The following ITSN1 variants were observed in gnomAD, a reference collection of about 807,000 sequenced individuals.
ITSN1 encodes intersectin-1.
ITSN1 carries 58 observed loss-of-function variants against 239.8 expected under a neutral mutation model. That is an observed-to-expected ratio of 0.24 (90% CI 0.20 to 0.30). The LOEUF (loss-of-function observed/expected upper bound fraction) is 0.30, where lower values mean the gene tolerates loss of function less well. Among genes scored for constraint, ITSN1 ranks in the 10% least tolerant of loss-of-function variants. The pLI is 1.00. For synonymous variants in ITSN1, 780 were observed against 770.8 expected (o/e 1.01, Z -0.20); for missense variants, 1,558 against 2,103.3 (o/e 0.74, Z 5.07).
At chr21:33,788,661 C>T (rs772044721) in intron 16 of ITSN1, among the ~76,000 whole-genome samples, 3 of 152,056 alleles carry the variant, frequency 2.0e-5, no homozygotes, top group Non-Finnish European at 2.9e-5. Flanking sequence ...AACTTCATCA[C>T]GGCAGAGGAT....
chr21:33,681,826 A>G (rs1023664626), intron 1 of ITSN1, among the ~76,000 whole-genome samples: 1 of 151,350 alleles, frequency 6.6e-6, no homozygotes, highest in Non-Finnish European at 1.5e-5. Context: ...GCCCACCACT[A>G]TGCCCGGCTA....
Position 33,803,316 on chromosome 21 carries a change from T to G in ITSN1, c.2319+872T>G, listed in dbSNP as rs374191540. Among the ~76,000 whole-genome samples, 19 of 152,326 alleles carry G rather than the reference T, an allele frequency of 1.2e-4. 2 individuals are homozygous for G. In the East Asian group the frequency reaches 2.9e-3, roughly 23 times the overall value. On this transcript the variant is annotated intron_variant, in intron 20 of 39. Coordinates refer to ENST00000381318, the MANE Select transcript of ITSN1 (RefSeq NM_003024.3). ...TCCCTCTGCCCCAGAAATTCTATTTTTCTCCTTCCTCTCATTCTTCTCCTT... is the reference window on the plus strand; with the variant it reads ...TCCCTCTGCCCCAGAAATTCTATTTGTCTCCTTCCTCTCATTCTTCTCCTT...
intron 16 of ITSN1, among the ~76,000 whole-genome samples, chr21:33,790,372 T>C (rs377096254): frequency 3.5e-4 from 53 of 152,144 alleles, no homozygotes; most frequent in African/African-American, 1.3e-3. Flanking sequence ...CAGCTACAAT[T>C]TCTTGACTAC....
At chr21:33,763,537 C>T (rs1179466854) in intron 9 of ITSN1, among the ~76,000 whole-genome samples, 1 of 152,120 alleles carries the variant, frequency 6.6e-6, no homozygotes, top group East Asian at 1.9e-4. Flanking sequence ...CCCAGCATGA[C>T]AATCAGAAAT....
intron 17 of ITSN1, among the ~76,000 whole-genome samples, chr21:33,794,906 C>T (rs906173752): frequency 2.0e-5 from 3 of 152,132 alleles, no homozygotes; most frequent in Admixed American, 6.5e-5. Flanking sequence ...AACTTTAGTA[C>T]AAAAGGGGGA....
chr21:33,805,358 A>G (rs2072332333), intron 20 of ITSN1, among the ~76,000 whole-genome samples: 1 of 152,152 alleles, frequency 6.6e-6, no homozygotes, highest in Admixed American at 6.5e-5. Flanking sequence ...CCTGACAGAC[A>G]TTTTTTTAAA....
At position 33,895,421 on chromosome 21, in the gene ITSN1, T is replaced by G. The variant is rs8126882; in HGVS notation, c.*7121T>G. ...CAGTGCGTGGTGTGTGCATGCGTGT[T>G]TGTGCGTGCGTGTGCATGTATGTGT... On this transcript the variant is annotated 3_prime_UTR_variant, in exon 40 of 40. Transcript: ENST00000381318. 0.48 allele frequency: 46,621 copies of G among 97,542 alleles called. 7,561 individuals are homozygous for G. The highest frequency in any genetic ancestry group is 0.53 in the African/African-American group (17,305 of 32,400). The allele number at this position is 97,542 out of a possible 1,614,324, so 6.0% of individuals were successfully genotyped here. A position where few individuals can be genotyped will look rare whatever the true frequency, so the allele number is the denominator to read the frequency against.
chr21:33,875,112 T>G (rs1222087204), intron 33 of ITSN1, among the ~76,000 whole-genome samples: 1 of 152,176 alleles, frequency 6.6e-6, no homozygotes. Flanking sequence ...GGGGCTGGAC[T>G]GAGACCTCAA....
At position 33,797,275 on chromosome 21, in the gene ITSN1, G is replaced by A. The variant is rs1367942714; in HGVS notation, c.1953-104G>A. 1.1e-6 allele frequency: 1 copy of A among 870,300 alleles called. No individual in the cohort carries two copies. The highest frequency in any genetic ancestry group is 1.9e-6 in the Non-Finnish European group (1 of 533,580). The allele number at this position is 870,300 out of a possible 1,614,324, so 53.9% of individuals were successfully genotyped here. On this transcript the variant is annotated intron_variant, in intron 17 of 39. Transcript: ENST00000381318. This position sits in a 1 kb window ranked among gnomAD's most constrained non-coding sequence, Gnocchi z 4.9. ...ATCTGAACAACAATGTTCCCTTGAT[G>A]TTCCCATCCCATTTACTGGATGGAG...
rs1220081880 is a variant in ITSN1, at chr21:33,658,524, T to C, written c.-33+15811T>C. Among the ~76,000 whole-genome samples, 2 of 152,304 alleles carry C rather than the reference T, an allele frequency of 1.3e-5. 1 individual carries two copies. The highest frequency in any genetic ancestry group is 2.9e-5 in the Non-Finnish European group (2 of 68,022). On this transcript the variant is annotated intron_variant, in intron 1 of 39. Transcript: ENST00000381318. ...AGTGGTATTTGTGTATCGAGACATATCTAAACATAGAAAAGGCACGGTAAA... is the reference window on the plus strand; with the variant it reads ...AGTGGTATTTGTGTATCGAGACATACCTAAACATAGAAAAGGCACGGTAAA...
intron 1 of ITSN1, among the ~76,000 whole-genome samples, chr21:33,692,751 T>G (rs1024067398): frequency 2.0e-5 from 3 of 152,158 alleles, no homozygotes; most frequent in African/African-American, 7.2e-5. Flanking sequence ...AAAAGATAAT[T>G]TTAAACATTG....
chr21:33,852,374 G>A (rs1349662351), intron 29 of ITSN1, among the ~76,000 whole-genome samples: 1 of 152,124 alleles, frequency 6.6e-6, no homozygotes, highest in Non-Finnish European at 1.5e-5. Flanking sequence ...GTGTGGAGAT[G>A]GGTGAGGTGC....
chr21:33,773,457 G>A lies in ITSN1; in HGVS notation c.1305+1134G>A, dbSNP rs141869660. Among the ~76,000 whole-genome samples the A allele has an allele frequency of 5.7e-3, 867 of 152,196 alleles. 8 individuals are homozygous for A. The highest frequency in any genetic ancestry group is 0.02 in the African/African-American group (822 of 41,518). On this transcript the variant is annotated intron_variant, in intron 12 of 39. Coordinates refer to ENST00000381318, the MANE Select transcript of ITSN1 (RefSeq NM_003024.3). ...CCAATTTTAGTACATTACTGCAGAA[G>A]CAACACATGGTTCTTTCATGTGAAT...
intron 20 of ITSN1, among the ~76,000 whole-genome samples, chr21:33,809,034 G>A (rs1035430961): frequency 1.3e-5 from 2 of 152,108 alleles, no homozygotes; most frequent in African/African-American, 4.8e-5. Context: ...AAACAAGGAA[G>A]GAAAGACATC....
chr21:33,710,385 A>G (rs893637049), intron 1 of ITSN1, among the ~76,000 whole-genome samples: 3 of 151,824 alleles, frequency 2.0e-5, no homozygotes, highest in Admixed American at 6.6e-5. Context: ...TTTTTTAATC[A>G]TGATTGGATG....
chr21:33,879,688 CT>C (rs201862466), intron 34 of ITSN1, among the ~76,000 whole-genome samples: 1 of 151,666 alleles, frequency 6.6e-6, no homozygotes, highest in Non-Finnish European at 1.5e-5. Flanking sequence ...TGTCATCCTT[CT>C]TTTTTTTTGA....
intron 29 of ITSN1, among the ~76,000 whole-genome samples, chr21:33,840,466 C>T (rs1048301945): frequency 7.2e-5 from 11 of 152,058 alleles, no homozygotes; most frequent in South Asian, 2.1e-4. Flanking sequence ...CGGATACAGG[C>T]GATTCTCCTG....
rs2071637967 is a variant in ITSN1, at chr21:33,797,323, C to T, written c.1953-56C>T. The T allele has an allele frequency of 6.8e-7, 1 of 1,465,458 alleles. No individual in the cohort carries two copies. Among genetic ancestry groups the T allele is most frequent in the Non-Finnish European group, 9.5e-7 (1 of 1,049,292 alleles). The allele number at this position is 1,465,458 out of a possible 1,614,324, so 90.8% of individuals were successfully genotyped here. ...GAGCTTTTTTTGTGAAAAGAGGCAACAGTAGTGTTAACTTAGAGTTGCTTT... is the reference window on the plus strand; with the variant it reads ...GAGCTTTTTTTGTGAAAAGAGGCAATAGTAGTGTTAACTTAGAGTTGCTTT... On this transcript the variant is annotated intron_variant, in intron 17 of 39. Coordinates refer to ENST00000381318, the MANE Select transcript of ITSN1 (RefSeq NM_003024.3). The surrounding 1 kb of genome is among the most constrained non-coding windows in gnomAD (Gnocchi z 4.9).
At chr21:33,734,761 C>T (rs996002668) in intron 4 of ITSN1, among the ~76,000 whole-genome samples, 1 of 152,168 alleles carries the variant, frequency 6.6e-6, no homozygotes, top group Admixed American at 6.6e-5. Flanking sequence ...ATGTTTTCAT[C>T]ACTTCAGAAA....
Sources: allele counts gnomAD v4.1 joint callset (sites outside exome capture counted in the v4.1 genomes callset), GRCh38; gene constraint gnomAD v4.1.1; non-coding constraint Gnocchi (gnomAD v3.1); transcripts MANE v1.5; gene names NCBI Gene and HGNC (gene_info 2026-07-23, HGNC 2026-07-21).